The following RNGTT variants were observed in gnomAD, a reference collection of about 807,000 sequenced individuals.
RNGTT encodes mRNA-capping enzyme.
A neutral mutation model predicts 79.3 loss-of-function variants in RNGTT; 33 were observed. The ratio of observed to expected loss-of-function variants is 0.42; its 90% confidence interval spans 0.32 to 0.56. The LOEUF is 0.56. Among genes scored for constraint, RNGTT ranks in the 20% least tolerant of loss-of-function variants. The pLI is 0.17. For missense variants in RNGTT, 497 were observed against 739.1 expected (o/e 0.67, Z 3.80); for synonymous variants, 222 against 235.9 (o/e 0.94, Z 0.54).
rs1781340686 is a variant in RNGTT, at chr6:88,842,842, CA to C, written c.1269+1514del. ...ATCCCAGCACTTTGGGAGGCTAAGGCAGGCTGATCACTTGAGCCCAGGAGTT... is the reference window on the plus strand; with the variant it reads ...ATCCCAGCACTTTGGGAGGCTAAGGCGGCTGATCACTTGAGCCCAGGAGTT... On this transcript the variant is annotated intron_variant, in intron 11 of 15. Coordinates refer to ENST00000369485, the MANE Select transcript of RNGTT (RefSeq NM_003800.5). 4.6e-5 allele frequency among the ~76,000 whole-genome samples: 7 copies of C among 152,206 alleles called. No individual in the cohort carries two copies. In the South Asian group the frequency reaches 1.5e-3, roughly 32 times the overall value.
At chr6:88,750,442 C>T (rs933243873) in intron 13 of RNGTT, among the ~76,000 whole-genome samples, 2 of 152,064 alleles carry the variant, frequency 1.3e-5, no homozygotes, top group African/African-American at 4.8e-5. Context: ...CTGACAGTAC[C>T]TCATTGGATC....
At chr6:88,906,498 C>A in intron 4 of RNGTT, 58 bp from the exon 5 acceptor site, 1 of 959,676 alleles carries the variant, frequency 1.0e-6, no homozygotes, top group Non-Finnish European at 1.5e-6. Context: ...GCCACATTTA[C>A]TTTAAAATTC....
chr6:88,621,901 AG>A (rs2127766008), intron 14 of RNGTT, among the ~76,000 whole-genome samples: 1 of 152,212 alleles, frequency 6.6e-6, no homozygotes, highest in African/African-American at 2.4e-5. Context: ...TCCTTATCCC[AG>A]AAAAAGTAAC....
chr6:88,717,943 A>G lies in RNGTT; in HGVS notation c.1440-39524T>C, dbSNP rs563152993. Among the ~76,000 whole-genome samples the G allele has an allele frequency of 5.9e-5, 9 of 152,274 alleles. No individual in the cohort carries two copies. The East Asian group carries it at 1.7e-3, about 29-fold the overall frequency. On this transcript the variant is annotated intron_variant, in intron 13 of 15. Transcript: ENST00000369485. Reference sequence around the variant, plus strand: ...CTGAGTGGGGGAGCCACCCACAAAGATATCAGTGAAGACCAAGAGGAGACC... The same window carrying G: ...CTGAGTGGGGGAGCCACCCACAAAGGTATCAGTGAAGACCAAGAGGAGACC...
rs944895218 is a variant in RNGTT, at chr6:88,648,022, C to T, written c.1506+30331G>A. On this transcript the variant is annotated intron_variant, in intron 14 of 15. Coordinates refer to ENST00000369485, the MANE Select transcript of RNGTT (RefSeq NM_003800.5). ...CTACGTTTGCATTCACTTCCTGTCA[C>T]AAATAATAGCTCAACTTGAGCAGTA... Among the ~76,000 whole-genome samples, 42 of 152,142 alleles carry T rather than the reference C, an allele frequency of 2.8e-4. 1 individual carries two copies. The highest frequency in any genetic ancestry group is 7.3e-5 in the Non-Finnish European group (5 of 68,030).
At chr6:88,882,379 A>G (rs887402145) in intron 8 of RNGTT, among the ~76,000 whole-genome samples, 31 of 152,310 alleles carry the variant, frequency 2.0e-4, no homozygotes, top group African/African-American at 7.5e-4. Flanking sequence ...TGCAAGTTCT[A>G]TGAGATAGGG....
intron 8 of RNGTT, among the ~76,000 whole-genome samples, chr6:88,882,968 T>C (rs1238696577): frequency 6.6e-6 from 1 of 152,100 alleles, no homozygotes; most frequent in African/African-American, 2.4e-5. Flanking sequence ...GCCGCACAAA[T>C]GAACTAAGAT....
intron 10 of RNGTT, among the ~76,000 whole-genome samples, chr6:88,846,097 C>T (rs1434599849): frequency 6.6e-6 from 1 of 152,030 alleles, no homozygotes; most frequent in East Asian, 1.9e-4. Flanking sequence ...CACCAAACTT[C>T]AAGAATAGAC....
At chr6:88,637,264 A>AC (rs1467885662) in intron 14 of RNGTT, among the ~76,000 whole-genome samples, 2 of 152,114 alleles carry the variant, frequency 1.3e-5, no homozygotes. Flanking sequence ...AACAGAACTA[A>AC]ACTGAAGAAA....
At chr6:88,870,190 T>C (rs1338246734) in intron 8 of RNGTT, among the ~76,000 whole-genome samples, 1 of 152,144 alleles carries the variant, frequency 6.6e-6, no homozygotes, top group Admixed American at 6.5e-5. Flanking sequence ...TCAGAATTGC[T>C]CATTTTCTGA....
intron 12 of RNGTT, among the ~76,000 whole-genome samples, chr6:88,801,200 T>C (rs1779770644): frequency 6.6e-6 from 1 of 152,178 alleles, no homozygotes; most frequent in Non-Finnish European, 1.5e-5. Flanking sequence ...GATTAATACA[T>C]AAAAGTATAC....
intron 1 of RNGTT, among the ~76,000 whole-genome samples, chr6:88,944,901 G>A (rs1028451948): frequency 1.3e-5 from 2 of 152,260 alleles, no homozygotes; most frequent in East Asian, 3.9e-4. Context: ...GGGGGAAAGG[G>A]GGGCAACTGC....
intron 8 of RNGTT, among the ~76,000 whole-genome samples, chr6:88,874,758 A>G (rs1782464439): frequency 6.6e-6 from 1 of 152,112 alleles, no homozygotes; most frequent in South Asian, 2.1e-4. Flanking sequence ...GGTCAGCAGC[A>G]CTACTCAATA....
intron 11 of RNGTT, among the ~76,000 whole-genome samples, chr6:88,822,070 C>G (rs868688642): frequency 6.6e-6 from 1 of 152,138 alleles, no homozygotes. Flanking sequence ...AAAAAGTGAA[C>G]TGAATTTATA....
chr6:88,731,177 C>G (rs918056103), intron 13 of RNGTT, among the ~76,000 whole-genome samples: 2 of 151,808 alleles, frequency 1.3e-5, no homozygotes, highest in African/African-American at 4.8e-5. Context: ...AAAGCCCCCC[C>G]AAAAAAACAT....
chr6:88,847,951 CAAAT>C (rs1781539710), intron 10 of RNGTT, among the ~76,000 whole-genome samples: 1 of 150,954 alleles, frequency 6.6e-6, no homozygotes, highest in Non-Finnish European at 1.5e-5. Flanking sequence ...AAAATACAAA[CAAAT>C]AAAAATAAAC....
At chr6:88,620,399 A>G (rs563869824) in intron 14 of RNGTT, among the ~76,000 whole-genome samples, 3 of 151,874 alleles carry the variant, frequency 2.0e-5, no homozygotes, top group Non-Finnish European at 4.4e-5. Context: ...TATTTCATAG[A>G]AAATAACTGG....
chr6:88,913,619 C>T (rs926000792), intron 4 of RNGTT, among the ~76,000 whole-genome samples: 2 of 152,294 alleles, frequency 1.3e-5, no homozygotes, highest in African/African-American at 4.8e-5. Flanking sequence ...ACATGATCAT[C>T]TCAATGGCTG....
intron 1 of RNGTT, among the ~76,000 whole-genome samples, chr6:88,956,770 GGCTCTT>G (rs1334177929): frequency 6.6e-6 from 1 of 152,210 alleles, no homozygotes; most frequent in Non-Finnish European, 1.5e-5. Flanking sequence ...CAGGCGTGGT[GGCTCTT>G]GCCTGTAATC....
Sources: allele counts gnomAD v4.1 joint callset (sites outside exome capture counted in the v4.1 genomes callset), GRCh38; gene constraint gnomAD v4.1.1; transcripts MANE v1.5; gene names NCBI Gene and HGNC (gene_info 2026-07-23, HGNC 2026-07-21).